Variants in ERC2 observed in about 807,000 individuals in gnomAD.
The protein encoded by ERC2 is ELKS/RAB6-interacting/CAST family member 2.
In ERC2, 42 loss-of-function variants were observed where a neutral mutation model predicts 114.8. The observed-to-expected ratio is 0.37, with a 90% CI of 0.29 to 0.47. The LOEUF (loss-of-function observed/expected upper bound fraction) is 0.47, where lower values mean the gene tolerates loss of function less well. Among genes scored for constraint, ERC2 ranks in the 20% least tolerant of loss-of-function variants. The pLI, the probability that ERC2 is intolerant of heterozygous loss-of-function variation, is 0.99. For synonymous variants in ERC2, 454 were observed against 425.5 expected, an observed-to-expected ratio of 1.07 and a Z score of -0.82; for missense variants, 939 against 1,150.7, an observed-to-expected ratio of 0.82 and a Z score of 2.66.
At chr3:56,282,780 AC>A (rs1006445514) in intron 3 of ERC2, among the ~76,000 whole-genome samples, 6 of 152,006 alleles carry the variant, frequency 3.9e-5, no homozygotes, top group African/African-American at 1.5e-4. Flanking sequence ...AAGCCCAACA[AC>A]CCTCAAATGT....
intron 3 of ERC2, among the ~76,000 whole-genome samples, chr3:56,275,957 G>A (rs537336427): frequency 6.6e-6 from 1 of 152,274 alleles, no homozygotes; most frequent in South Asian, 2.1e-4. Context: ...AACAGTGCTG[G>A]CGTGGTTGAG....
intron 2 of ERC2, among the ~76,000 whole-genome samples, chr3:56,301,269 C>T (rs1275703330): frequency 6.6e-6 from 1 of 152,092 alleles, no homozygotes; most frequent in Admixed American, 6.5e-5. Context: ...ATTTAGTGTT[C>T]AAAATTTTCT....
At chr3:55,578,778 T>A (rs1335807735) in intron 17 of ERC2, among the ~76,000 whole-genome samples, 1 of 152,198 alleles carries the variant, frequency 6.6e-6, no homozygotes, top group East Asian at 1.9e-4. Context: ...TGTGCTGATC[T>A]TGGCAGGGCT....
chr3:55,747,774 C>T (rs1002489652), intron 14 of ERC2, among the ~76,000 whole-genome samples: 3 of 152,244 alleles, frequency 2.0e-5, no homozygotes, highest in Non-Finnish European at 4.4e-5. Context: ...AAATTAATTT[C>T]AGAGCCCAAG....
intron 5 of ERC2, among the ~76,000 whole-genome samples, chr3:56,144,101 T>C (rs1489081330): frequency 2.6e-5 from 4 of 152,202 alleles, no homozygotes; most frequent in Admixed American, 6.5e-5. Context: ...TGTTTAAATA[T>C]TCACTGGGAA....
At chr3:56,106,982 C>T (rs1490206260) in intron 6 of ERC2, among the ~76,000 whole-genome samples, 2 of 152,168 alleles carry the variant, frequency 1.3e-5, no homozygotes, top group Non-Finnish European at 2.9e-5. Context: ...CCCAGCCAAT[C>T]GCAGCCCTTC....
At chr3:55,765,376 C>T (rs1454909672) in intron 14 of ERC2, among the ~76,000 whole-genome samples, 1 of 152,176 alleles carries the variant, frequency 6.6e-6, no homozygotes, top group African/African-American at 2.4e-5. Flanking sequence ...CATTGGTGCT[C>T]GTTCAAACAA....
chr3:56,336,376 C>G (rs1019849072), intron 2 of ERC2, among the ~76,000 whole-genome samples: 1 of 152,198 alleles, frequency 6.6e-6, no homozygotes, highest in South Asian at 2.1e-4. Flanking sequence ...CCTAATCACA[C>G]AGGACCTTGC....
In ERC2 at chr3:56,412,629, G is replaced by A. The variant is rs1378838945; in HGVS notation, c.657+21722C>T. Among the ~76,000 whole-genome samples, 5 of 152,084 alleles carry A rather than the reference G, an allele frequency of 3.3e-5. No homozygotes were observed. In the East Asian group the frequency reaches 7.7e-4, roughly 24 times the overall value. The stretch of plus-strand genomic sequence containing the variant: ...ACATAATCATGCAGTGTTCACAGAC[G>A]GGCACTTTAGAGTCCAACCACCTGG... On this transcript the variant is annotated intron_variant, in intron 2 of 17. Transcript: ENST00000288221.
intron 2 of ERC2, among the ~76,000 whole-genome samples, chr3:56,383,511 A>G (rs951961293): frequency 3.9e-5 from 6 of 152,208 alleles, no homozygotes; most frequent in Non-Finnish European, 7.4e-5. Flanking sequence ...ATTCATTTAT[A>G]TATTCCCAAC....
intron 2 of ERC2, among the ~76,000 whole-genome samples, chr3:56,391,819 T>C (rs2060139046): frequency 6.6e-6 from 1 of 152,194 alleles, no homozygotes; most frequent in Non-Finnish European, 1.5e-5. Context: ...ATAATTTTTA[T>C]TTGCCAAATT....
At chr3:55,764,753 A>G (rs767057954) in intron 14 of ERC2, among the ~76,000 whole-genome samples, 3 of 152,212 alleles carry the variant, frequency 2.0e-5, no homozygotes, top group Non-Finnish European at 2.9e-5. Flanking sequence ...CCAAGAATTC[A>G]TGAGACCAAC....
chr3:55,552,238 C>T (rs548877477), intron 17 of ERC2, among the ~76,000 whole-genome samples: 5 of 152,236 alleles, frequency 3.3e-5, no homozygotes, highest in African/African-American at 4.8e-5. Context: ...GCCCCAGCCA[C>T]GTCTGTTTAT....
chr3:55,631,051 A>G (rs1249157047), intron 17 of ERC2, among the ~76,000 whole-genome samples: 1 of 152,124 alleles, frequency 6.6e-6, no homozygotes, highest in Non-Finnish European at 1.5e-5. Flanking sequence ...GAGGCTAATT[A>G]GTTCCCAGGC....
chr3:55,599,616 T>G (rs2058307730), intron 17 of ERC2, among the ~76,000 whole-genome samples: 1 of 152,220 alleles, frequency 6.6e-6, no homozygotes, highest in Non-Finnish European at 1.5e-5. Flanking sequence ...TTGTTCCTTT[T>G]AAACTGGAGT....
intron 17 of ERC2, among the ~76,000 whole-genome samples, chr3:55,596,076 A>C (rs2058112556): frequency 6.6e-6 from 1 of 152,222 alleles, no homozygotes; most frequent in Non-Finnish European, 1.5e-5. Flanking sequence ...CAAAACCACT[A>C]AGAACAGAGA....
intron 10 of ERC2, among the ~76,000 whole-genome samples, chr3:55,994,824 A>C (rs1181962350): frequency 6.6e-6 from 1 of 152,110 alleles, no homozygotes; most frequent in Non-Finnish European, 1.5e-5. Context: ...CTTTTCAAAC[A>C]AGTAAGTAAG....
intron 12 of ERC2, among the ~76,000 whole-genome samples, chr3:55,963,834 C>T (rs1407950345): frequency 2.0e-5 from 3 of 152,262 alleles, no homozygotes; most frequent in East Asian, 1.9e-4. Flanking sequence ...ACCAACATTC[C>T]GCAGTCTGGC....
intron 1 of ERC2, among the ~76,000 whole-genome samples, chr3:56,457,714 C>T (rs1412947575): frequency 6.6e-6 from 1 of 152,156 alleles, no homozygotes; most frequent in Non-Finnish European, 1.5e-5. Context: ...GTTCTACCTA[C>T]ATTTACCTCC....
Sources: gnomAD v4.1 joint callset for allele counts (sites outside exome capture counted in the v4.1 genomes callset) on GRCh38, gnomAD v4.1.1 for gene constraint, MANE v1.5 for transcripts, NCBI Gene and HGNC (gene_info 2026-07-23, HGNC 2026-07-21) for gene names.